YEATS2: variants seen among roughly 807,000 people sequenced by gnomAD.
The protein encoded by YEATS2 is YEATS domain containing 2.
Under a neutral mutation model 163.2 loss-of-function variants are expected in YEATS2, and 77 were observed. That is an observed-to-expected ratio of 0.47 (90% CI 0.39 to 0.57). YEATS2 has a LOEUF of 0.57. Among genes scored for constraint, YEATS2 ranks in the 20% least tolerant of loss-of-function variants. The pLI is 0.00. For synonymous variants in YEATS2, 631 were observed against 645.1 expected (o/e 0.98, Z 0.33); for missense variants, 1,549 against 1,729.8 (o/e 0.90, Z 1.85).
intron 28 of YEATS2, 125 bp from the exon 29 acceptor site, chr3:183,807,905 A>G: frequency 1.5e-6 from 1 of 675,634 alleles, no homozygotes; most frequent in Non-Finnish European, 2.5e-6. Flanking sequence ...AATTTTGCCC[A>G]ATATGTTTGC....
At chr3:183,790,473 C>G (rs1724511912) in intron 20 of YEATS2, among the ~76,000 whole-genome samples, 1 of 152,106 alleles carries the variant, frequency 6.6e-6, no homozygotes, top group Non-Finnish European at 1.5e-5. Context: ...TGTGTATATT[C>G]TGAGAATATG....
chr3:183,710,338 AT>A (rs1437472172), intron 1 of YEATS2, among the ~76,000 whole-genome samples: 1 of 152,176 alleles, frequency 6.6e-6, no homozygotes, highest in Non-Finnish European at 1.5e-5. Flanking sequence ...TCACTTATTT[AT>A]TATATCATCA....
chr3:183,700,373 T>G (rs952117122), intron 1 of YEATS2, among the ~76,000 whole-genome samples: 1 of 152,104 alleles, frequency 6.6e-6, no homozygotes, highest in Admixed American at 6.5e-5. Context: ...TTAGAATAGA[T>G]TCTCAGAAAT....
Position 183,797,775 on chromosome 3 carries a change from G to A in YEATS2, c.3098-148G>A. 3 of 910,022 alleles carry A rather than the reference G, an allele frequency of 3.3e-6. 1 individual carries two copies. The highest frequency in any genetic ancestry group is 3.4e-5 in the South Asian group (2 of 58,030). The allele number at this position is 910,022 out of a possible 1,614,324, so 56.4% of individuals were successfully genotyped here. On this transcript the variant is annotated intron_variant, in intron 21 of 30. Transcript: ENST00000305135. ...TTTTATTGTGAAATCCACAGCATCT[G>A]TTGTCTCCTGCTTCTTGCTCTTTGT...
intron 15 of YEATS2, among the ~76,000 whole-genome samples, chr3:183,768,041 T>A (rs969550561): frequency 6.6e-6 from 1 of 152,218 alleles, no homozygotes; most frequent in African/African-American, 2.4e-5. Flanking sequence ...AATAGGTTAT[T>A]TGATATGTTT....
At chr3:183,773,488 A>C in intron 16 of YEATS2, 145 bp from the exon 17 acceptor site, 1 of 786,414 alleles carries the variant, frequency 1.3e-6, no homozygotes, top group East Asian at 2.8e-5. Flanking sequence ...ATCAGTCTTT[A>C]AAGCATTGTG....
chr3:183,724,333 C>A, intron 5 of YEATS2, 86 bp from the exon 6 acceptor site: 5 of 982,912 alleles, frequency 5.1e-6, no homozygotes, highest in East Asian at 2.8e-5. Context: ...TTAGTTATTC[C>A]ATTTATACTT....
At chr3:183,767,705 C>T (rs976510759) in intron 15 of YEATS2, among the ~76,000 whole-genome samples, 5 of 151,510 alleles carry the variant, frequency 3.3e-5, no homozygotes, top group Non-Finnish European at 7.4e-5. Context: ...TTAATAGAGA[C>T]GGGGTTTTAC....
intron 21 of YEATS2, 59 bp from the exon 22 acceptor site, chr3:183,797,864 A>ATGGGT (rs1725306779): frequency 3.1e-6 from 5 of 1,607,810 alleles, no homozygotes; most frequent in Admixed American, 1.7e-5. Flanking sequence ...CACAGAGGAT[A>ATGGGT]AGAGACTTTC....
intron 8 of YEATS2, among the ~76,000 whole-genome samples, chr3:183,741,263 C>T (rs530715593): frequency 6.6e-6 from 1 of 152,144 alleles, no homozygotes; most frequent in Admixed American, 6.5e-5. Context: ...TAAATTGAAA[C>T]CAGCGCTTAT....
intron 6 of YEATS2, among the ~76,000 whole-genome samples, chr3:183,725,803 C>G (rs543477389): frequency 6.6e-6 from 1 of 152,320 alleles, no homozygotes; most frequent in Non-Finnish European, 1.5e-5. Flanking sequence ...AAAGCTGAAA[C>G]CAGATTCTTC....
chr3:183,702,979 A>G (rs955052049), intron 1 of YEATS2, among the ~76,000 whole-genome samples: 2 of 152,198 alleles, frequency 1.3e-5, no homozygotes, highest in Non-Finnish European at 2.9e-5. Flanking sequence ...TAGACAGCGT[A>G]CTGGCCAGAA....
chr3:183,779,307 T>A (rs1156310503), intron 19 of YEATS2, among the ~76,000 whole-genome samples: 1 of 152,238 alleles, frequency 6.6e-6, no homozygotes, highest in Non-Finnish European at 1.5e-5. Flanking sequence ...ATTACCAGCA[T>A]TTGGTGTCCT....
In YEATS2 at chr3:183,812,423, C is replaced by T. The variant is rs974982321; in HGVS notation, c.*1840C>T. On this transcript the variant is annotated 3_prime_UTR_variant, in exon 31 of 31. Coordinates refer to ENST00000305135, the MANE Select transcript of YEATS2 (RefSeq NM_018023.5). ...GCTTCAGCAAAGTGAACTGTGAGATCTCCAGGACAGAGGGAGAAAGATCTG... is the reference window on the plus strand; with the variant it reads ...GCTTCAGCAAAGTGAACTGTGAGATTTCCAGGACAGAGGGAGAAAGATCTG... 1.3e-5 allele frequency: 2 copies of T among 152,554 alleles called. No homozygotes were observed. The highest frequency in any genetic ancestry group is 6.5e-5 in the Admixed American group (1 of 15,272). 9.5% of individuals were successfully genotyped at this position (152,554 alleles called of 1,614,324 possible).
rs191171807 is a variant in YEATS2 at position 183,805,805 on chromosome 3, C to G, written c.3785-1061C>G. On this transcript the variant is annotated intron_variant, in intron 27 of 30. Coordinates refer to ENST00000305135, the MANE Select transcript of YEATS2 (RefSeq NM_018023.5). Reference sequence around the variant, plus strand: ...CCCTGTCCAAAAAAAAAAGGGGGGGCAAGTCCCAGTTTTGCCATTAAGCTT... The same window carrying G: ...CCCTGTCCAAAAAAAAAAGGGGGGGGAAGTCCCAGTTTTGCCATTAAGCTT... Among the ~76,000 whole-genome samples the G allele has an allele frequency of 5.4e-3, 825 of 151,868 alleles. 10 individuals are homozygous for G. The highest frequency in any genetic ancestry group is 0.017 in the African/African-American group (700 of 41,406).
intron 1 of YEATS2, among the ~76,000 whole-genome samples, chr3:183,713,196 G>A (rs1000940168): frequency 8.5e-5 from 13 of 152,324 alleles, no homozygotes; most frequent in African/African-American, 2.6e-4. Flanking sequence ...TTGTTGGGGT[G>A]ATAATATTTT....
At position 183,754,317 on chromosome 3, in the gene YEATS2, C is replaced by A; in HGVS notation, c.1342C>A (p.Pro448Thr). 1 of 1,614,024 alleles carries A rather than the reference C, an allele frequency of 6.2e-7. No individual in the cohort carries two copies. The highest frequency in any genetic ancestry group is 1.1e-5 in the South Asian group (1 of 91,056). ...AAGTCAGGTTCCTAATCCTGAGTCA[C>A]CTGGAAAATCCTTCCAGCCCATCAC... is the stretch of plus-strand genomic sequence containing the variant. Reference protein sequence around the residue: ...PQSQVPNPESPGKSFQPITMS... With the variant: ...PQSQVPNPESTGKSFQPITMS... The change falls in exon 11 of 31, where the codon CCT becomes ACT. Residue 448 changes from proline (P) to threonine (T), a missense_variant. Physicochemically the swap from Pro to Thr is conservative, Grantham distance 38 (BLOSUM62 -1). Coordinates refer to ENST00000305135, the MANE Select transcript of YEATS2 (RefSeq NM_018023.5).
rs1347060085 is a variant in YEATS2 at position 183,811,724 on chromosome 3, A to T, written c.*1141A>T. The T allele has an allele frequency of 6.6e-6, 1 of 152,322 alleles. No homozygotes were observed. Among genetic ancestry groups the T allele is most frequent in the Non-Finnish European group, 1.5e-5 (1 of 68,086 alleles). 9.4% of individuals were successfully genotyped at this position (152,322 alleles called of 1,614,324 possible). The stretch of plus-strand genomic sequence containing the variant: ...TGCCCGGGTCTATTGGAGGCGCCCC[A>T]TCTCAGACTTCCTAACACAGCCTGT... On this transcript the variant is annotated 3_prime_UTR_variant, in exon 31 of 31. Coordinates refer to ENST00000305135, the MANE Select transcript of YEATS2 (RefSeq NM_018023.5).
At position 183,811,446 on chromosome 3, in the gene YEATS2, C is replaced by A. The variant is rs1012535777; in HGVS notation, c.*863C>A. 1.0e-4 allele frequency: 16 copies of A among 152,740 alleles called. No homozygotes were observed. Among genetic ancestry groups the A allele is most frequent in the Non-Finnish European group, 1.5e-5 (1 of 68,162 alleles). 9.5% of individuals were successfully genotyped at this position (152,740 alleles called of 1,614,324 possible). A position where few individuals can be genotyped will look rare whatever the true frequency, so the allele number is the denominator to read the frequency against. ...ATGCTGAGTGGCCAGTGGGGAGCGG[C>A]GCCCGGCAGGCTCTTCTGGGGTCGT... On this transcript the variant is annotated 3_prime_UTR_variant, in exon 31 of 31. Coordinates refer to ENST00000305135, the MANE Select transcript of YEATS2 (RefSeq NM_018023.5).
Sources: allele counts gnomAD v4.1 joint callset (sites outside exome capture counted in the v4.1 genomes callset), GRCh38; gene constraint gnomAD v4.1.1; transcripts MANE v1.5; gene names NCBI Gene and HGNC (gene_info 2026-07-23, HGNC 2026-07-21).